GLIS3: variants seen among roughly 807,000 people sequenced by gnomAD.
GLIS3 encodes zinc finger protein GLIS3.
GLIS3 carries 53 observed loss-of-function variants against 78.6 expected under a neutral mutation model. The observed-to-expected ratio is 0.67, with a 90% CI of 0.54 to 0.85. The LOEUF (loss-of-function observed/expected upper bound fraction) is 0.85. Ranked by LOEUF, GLIS3 falls within the 40% of genes least tolerant of loss-of-function variation. The probability of loss-of-function intolerance (pLI) is 0.00; values close to 1 mark genes in which losing one functional copy is unlikely to be tolerated. For synonymous variants in GLIS3, 684 were observed against 509.9 expected, an observed-to-expected ratio of 1.34 and a Z score of -4.60; for missense variants, 1,703 against 1,231.1, an observed-to-expected ratio of 1.38 and a Z score of -5.74.
chr9:4,388,338 G>A, the GLIS3 span, among the ~76,000 whole-genome samples: 9 of 151,972 alleles, frequency 5.9e-5, no homozygotes, highest in Non-Finnish European at 8.8e-5. Context: ...TCCTCTTCTT[G>A]GGAGAAATTT....
chr9:4,374,764 C>T, the GLIS3 span, among the ~76,000 whole-genome samples: 7,518 of 152,320 alleles, frequency 0.049, 270 homozygotes, highest in Admixed American at 0.11. Flanking sequence ...AAGACTCAAA[C>T]GTCCAAGAAA....
chr9:4,449,013 G>A, the GLIS3 span, among the ~76,000 whole-genome samples: 2 of 152,116 alleles, frequency 1.3e-5, no homozygotes, highest in African/African-American at 2.4e-5. Context: ...AGCAGGGCAG[G>A]GTGTCACCTC....
intron 4 of GLIS3, among the ~76,000 whole-genome samples, chr9:4,041,805 T>TAA (rs1430194829): frequency 1.3e-5 from 2 of 152,178 alleles, no homozygotes; most frequent in Non-Finnish European, 2.9e-5. Flanking sequence ...ACTATTTCCT[T>TAA]AAAAGATAAA....
intron 2 of GLIS3, among the ~76,000 whole-genome samples, chr9:4,195,786 T>A (rs796593047): frequency 5.9e-5 from 9 of 152,366 alleles, no homozygotes; most frequent in African/African-American, 1.9e-4. Flanking sequence ...GCTGGAGGAT[T>A]GTGGATGCAC....
the GLIS3 span, among the ~76,000 whole-genome samples, chr9:4,392,994 T>G: frequency 6.6e-6 from 1 of 152,138 alleles, no homozygotes. Flanking sequence ...GAGGGAGTTT[T>G]ACCCGATCCC....
At chr9:3,903,582 CATTT>C (rs766436369) in intron 6 of GLIS3, among the ~76,000 whole-genome samples, 1 of 152,200 alleles carries the variant, frequency 6.6e-6, no homozygotes, top group Non-Finnish European at 1.5e-5. Context: ...CCTTCTCATT[CATTT>C]GTCGAACAAA....
At chr9:4,062,762 CT>C (rs1826759237) in intron 4 of GLIS3, among the ~76,000 whole-genome samples, 1 of 152,078 alleles carries the variant, frequency 6.6e-6, no homozygotes, top group African/African-American at 2.4e-5. Flanking sequence ...CCCATCTCTA[CT>C]AAAAATACAA....
intron 2 of GLIS3, among the ~76,000 whole-genome samples, chr9:4,190,740 C>G (rs7875373): frequency 0.14 from 20,824 of 151,912 alleles, 1,579 homozygotes; most frequent in Middle Eastern, 0.24. Context: ...TCAGATTTAC[C>G]AAAGTTGAAA....
chr9:3,972,728 A>G (rs192502467), intron 4 of GLIS3, among the ~76,000 whole-genome samples: 1 of 152,238 alleles, frequency 6.6e-6, no homozygotes, highest in Admixed American at 6.5e-5. Context: ...CTGTGTGTTT[A>G]GTTTATATAT....
chr9:4,437,697 C>A, the GLIS3 span, among the ~76,000 whole-genome samples: 3 of 152,240 alleles, frequency 2.0e-5, no homozygotes, highest in African/African-American at 7.2e-5. Context: ...CCTTCCACCT[C>A]CTCCACTTCT....
intron 8 of GLIS3, among the ~76,000 whole-genome samples, chr9:3,875,172 A>G (rs1423265834): frequency 6.6e-6 from 1 of 152,242 alleles, no homozygotes; most frequent in East Asian, 1.9e-4. Context: ...CCACTGTCAT[A>G]AAGTACCACT....
intron 6 of GLIS3, among the ~76,000 whole-genome samples, chr9:3,922,216 G>A (rs780475905): frequency 6.6e-6 from 1 of 152,020 alleles, no homozygotes; most frequent in Admixed American, 6.6e-5. Flanking sequence ...TTAAAATGCA[G>A]TCATTAAAAA....
At chr9:4,253,911 T>C (rs1031312892) in intron 2 of GLIS3, among the ~76,000 whole-genome samples, 9 of 152,132 alleles carry the variant, frequency 5.9e-5, no homozygotes, top group African/African-American at 2.2e-4. Context: ...CCCACCCTGC[T>C]TCAACTCTCC....
chr9:4,418,806 AGAGT>A, the GLIS3 span, among the ~76,000 whole-genome samples: 1 of 152,218 alleles, frequency 6.6e-6, no homozygotes, highest in Non-Finnish European at 1.5e-5. Flanking sequence ...TCTTTAAGAA[AGAGT>A]AAGATTTCAA....
Position 4,118,617 on chromosome 9 carries a change from C to G in GLIS3, c.861G>C (p.Arg287=), listed in dbSNP as rs1478413573. 1 of 1,614,024 alleles carries G rather than the reference C, an allele frequency of 6.2e-7. No homozygotes were observed. The highest frequency in any genetic ancestry group is 1.3e-5 in the African/African-American group (1 of 74,900). The change falls in exon 4 of 11, where the codon CGG becomes CGC. Residue 287 remains arginine (R), a synonymous_variant. Transcript: ENST00000381971. The surrounding 1 kb of genome is among the most constrained non-coding windows in gnomAD (Gnocchi z 4.7). ...ESSHSPYPSP[R]HSSTRSHSAR... ...CCGAGTGGGACCTGGTGGATGAGTGCCGAGGACTAGGGTAAGGAGAGTGGC... is the reference window on the plus strand; with the variant it reads ...CCGAGTGGGACCTGGTGGATGAGTGGCGAGGACTAGGGTAAGGAGAGTGGC...
At chr9:3,934,832 T>G (rs116240558) in intron 5 of GLIS3, among the ~76,000 whole-genome samples, 12 of 152,324 alleles carry the variant, frequency 7.9e-5, no homozygotes, top group African/African-American at 2.9e-4. Flanking sequence ...GCCAAAAAAG[T>G]AATGTCAGGG....
the GLIS3 span, among the ~76,000 whole-genome samples, chr9:4,377,654 T>A: frequency 6.6e-6 from 1 of 152,160 alleles, no homozygotes; most frequent in Non-Finnish European, 1.5e-5. Context: ...TTATGAAATG[T>A]AGGCCATCTA....
intron 2 of GLIS3, among the ~76,000 whole-genome samples, chr9:4,135,207 T>C (rs1355063793): frequency 6.6e-6 from 1 of 152,240 alleles, no homozygotes; most frequent in East Asian, 1.9e-4. Flanking sequence ...TTATTTGGGA[T>C]TATCTTTATT....
At chr9:3,986,453 G>T (rs529429504) in intron 4 of GLIS3, among the ~76,000 whole-genome samples, 1 of 152,190 alleles carries the variant, frequency 6.6e-6, no homozygotes, top group South Asian at 2.1e-4. Context: ...TATGAAAACT[G>T]TGTACAATTA....
Sources: allele counts gnomAD v4.1 joint callset (sites outside exome capture counted in the v4.1 genomes callset), GRCh38; gene constraint gnomAD v4.1.1; non-coding constraint Gnocchi (gnomAD v3.1); transcripts MANE v1.5; gene names NCBI Gene and HGNC (gene_info 2026-07-23, HGNC 2026-07-21).